CADPS: variants seen among roughly 807,000 people sequenced by gnomAD.
CADPS encodes the protein calcium-dependent secretion activator 1.
A neutral mutation model predicts 167.3 loss-of-function variants in CADPS; 57 were observed. The ratio of observed to expected loss-of-function variants is 0.34; its 90% CI spans 0.28 to 0.42. CADPS has a LOEUF of 0.42. CADPS is among the 20% of genes least tolerant of loss of function. The pLI, the probability that CADPS is intolerant of heterozygous loss-of-function variation, is 1.00. For missense variants in CADPS, 1,414 were observed against 1,738.1 expected (o/e 0.81, Z 3.32); for synonymous variants, 676 against 635.3 (o/e 1.06, Z -0.96).
At chr3:62,698,274 G>A (rs986962526) in intron 3 of CADPS, among the ~76,000 whole-genome samples, 3 of 152,060 alleles carry the variant, frequency 2.0e-5, no homozygotes, top group African/African-American at 7.2e-5. Flanking sequence ...GGGAACTGAA[G>A]AGCTGAATAT....
At chr3:62,844,715 G>T (rs117393058) in intron 1 of CADPS, among the ~76,000 whole-genome samples, 1 of 152,296 alleles carries the variant, frequency 6.6e-6, no homozygotes, top group Non-Finnish European at 1.5e-5. Context: ...ACACTAATGC[G>T]ATTGGGAAAA....
Position 62,420,344 on chromosome 3 carries a change from C to A in CADPS, c.3778-17159G>T, listed in dbSNP as rs2051028578. Among the ~76,000 whole-genome samples the A allele has an allele frequency of 6.6e-6, 1 of 152,176 alleles. No individual in the cohort carries two copies. The highest frequency in any genetic ancestry group is 1.5e-5 in the Non-Finnish European group (1 of 68,034). Reference sequence around the variant, plus strand: ...ACATGAGCTCTTTGGGGAATGATTTCTCATAAGGGAAGAACATGATCTTTT... The same window carrying A: ...ACATGAGCTCTTTGGGGAATGATTTATCATAAGGGAAGAACATGATCTTTT... On this transcript the variant is annotated intron_variant, in intron 28 of 29. Coordinates refer to ENST00000383710, the MANE Select transcript of CADPS (RefSeq NM_003716.4). This position sits in a 1 kb window ranked among gnomAD's most constrained non-coding sequence, Gnocchi z 4.1.
intron 26 of CADPS, among the ~76,000 whole-genome samples, chr3:62,448,114 G>A (rs2057492288): frequency 6.6e-6 from 1 of 152,166 alleles, no homozygotes; most frequent in African/African-American, 2.4e-5. Context: ...GGTCATCTGA[G>A]CCCAACTTTC....
intron 3 of CADPS, among the ~76,000 whole-genome samples, chr3:62,745,842 G>A (rs2081333234): frequency 6.6e-6 from 1 of 152,218 alleles, no homozygotes; most frequent in Admixed American, 6.5e-5. Context: ...TGTGCTAAGT[G>A]TTGGCTGTAT....
chr3:62,809,449 A>G (rs11707298), intron 1 of CADPS, among the ~76,000 whole-genome samples: 28,410 of 152,022 alleles, frequency 0.19, 2,965 homozygotes, highest in Middle Eastern at 0.32. Flanking sequence ...CCTTTCTCAG[A>G]GCTTTTCCAC....
At chr3:62,824,906 A>C (rs1054072993) in intron 1 of CADPS, among the ~76,000 whole-genome samples, 11 of 152,042 alleles carry the variant, frequency 7.2e-5, no homozygotes, top group African/African-American at 2.2e-4. Flanking sequence ...TGTGTATTAC[A>C]TTTCTGCTTG....
intron 1 of CADPS, among the ~76,000 whole-genome samples, chr3:62,872,596 C>G (rs2082829291): frequency 6.6e-6 from 1 of 152,160 alleles, no homozygotes; most frequent in Non-Finnish European, 1.5e-5. Flanking sequence ...ATGCAAACAG[C>G]ATGCCCCTCA....
chr3:62,859,579 A>T (rs2080373440), intron 1 of CADPS, among the ~76,000 whole-genome samples: 1 of 152,184 alleles, frequency 6.6e-6, no homozygotes. Context: ...GTGTCTGTTT[A>T]CTTTGAAGGT....
chr3:62,649,267 C>T (rs1292989710), intron 5 of CADPS, among the ~76,000 whole-genome samples: 1 of 152,066 alleles, frequency 6.6e-6, no homozygotes, highest in Non-Finnish European at 1.5e-5. Context: ...TCCAGGGCTG[C>T]ATCCTGTCTA....
At chr3:62,413,799 C>T (rs988174166) in intron 28 of CADPS, among the ~76,000 whole-genome samples, 3 of 152,020 alleles carry the variant, frequency 2.0e-5, no homozygotes, top group African/African-American at 7.2e-5. Flanking sequence ...AAATAAAAAT[C>T]ACTTCCCATA....
chr3:62,792,332 C>G (rs1355611505), intron 1 of CADPS, among the ~76,000 whole-genome samples: 3 of 151,674 alleles, frequency 2.0e-5, no homozygotes, highest in African/African-American at 7.3e-5. Context: ...GCCTCCTGAG[C>G]AGCTTGGACT....
At position 62,466,321 on chromosome 3, in the gene CADPS, C is replaced by T. The variant is rs2059931179; in HGVS notation, c.3552+18G>A. 7 of 1,557,418 alleles carry T rather than the reference C, an allele frequency of 4.5e-6. No homozygotes were observed. The highest frequency in any genetic ancestry group is 6.2e-6 in the Non-Finnish European group (7 of 1,129,154). ...GCAGTGTTCACAATGAAACATTTCA[C>T]CTGAAGCTGGAGGTTACCTTTGCAA... On this transcript the variant is annotated intron_variant, in intron 25 of 29. Transcript: ENST00000383710.
At chr3:62,857,266 A>G (rs2079894140) in intron 1 of CADPS, among the ~76,000 whole-genome samples, 1 of 152,138 alleles carries the variant, frequency 6.6e-6, no homozygotes, top group Admixed American at 6.6e-5. Context: ...CAAAGCAGAA[A>G]ATAATGTCTA....
intron 28 of CADPS, among the ~76,000 whole-genome samples, chr3:62,422,120 C>T (rs1309156467): frequency 2.0e-5 from 3 of 152,210 alleles, no homozygotes; most frequent in African/African-American, 7.2e-5. Context: ...CTCCATTTCT[C>T]TAATTCTGTG....
chr3:62,473,700 T>C (rs1051621401), intron 24 of CADPS: 5 of 152,270 alleles, frequency 3.3e-5, no homozygotes, highest in East Asian at 1.9e-4. Flanking sequence ...TTTTCTTTTT[T>C]TTTTTTGGAA....
At position 62,433,353 on chromosome 3, in the gene CADPS, C is replaced by T. The variant is rs1292365301; in HGVS notation, c.3777+4751G>A. On this transcript the variant is annotated intron_variant, in intron 28 of 29. Transcript: ENST00000383710. This position sits in a 1 kb window ranked among gnomAD's most constrained non-coding sequence, Gnocchi z 4.7. ...ACAGCAAATTAAAATCCGTGCGAGG[C>T]AAAGAATACTGAGTAGCAGCCCCTT... is the stretch of plus-strand genomic sequence containing the variant. Among the ~76,000 whole-genome samples the T allele has an allele frequency of 6.6e-6, 1 of 152,074 alleles. No homozygotes were observed. Among genetic ancestry groups the T allele is most frequent in the South Asian group, 2.1e-4 (1 of 4,816 alleles).
intron 7 of CADPS, 79 bp downstream of exon 7, chr3:62,592,558 C>G: frequency 9.6e-7 from 1 of 1,043,832 alleles, no homozygotes; most frequent in Non-Finnish European, 1.5e-6. Context: ...GCAATGCTGC[C>G]TCTTGGTGAC....
chr3:62,407,020 T>C (rs1044412459), intron 28 of CADPS, among the ~76,000 whole-genome samples: 2 of 152,212 alleles, frequency 1.3e-5, no homozygotes, highest in African/African-American at 4.8e-5. Context: ...TAGCCTTTTA[T>C]AGGCTTTTTC....
intron 9 of CADPS, among the ~76,000 whole-genome samples, chr3:62,563,347 ACT>A (rs2079521722): frequency 2.0e-5 from 3 of 152,194 alleles, no homozygotes; most frequent in Admixed American, 2.0e-4. Context: ...TTCCCAGGTG[ACT>A]ACTATTGTAT....
Sources: gnomAD v4.1 joint callset for allele counts (sites outside exome capture counted in the v4.1 genomes callset) on GRCh38, gnomAD v4.1.1 for gene constraint, Gnocchi (gnomAD v3.1) non-coding constraint, MANE v1.5 for transcripts, NCBI Gene and HGNC (gene_info 2026-07-23, HGNC 2026-07-21) for gene names.